Variants in FHL5 observed in about 807,000 individuals in gnomAD.
FHL5 encodes the protein four and a half LIM domains protein 5.
A neutral mutation model predicts 32.0 loss-of-function variants in FHL5; 33 were observed. The ratio of observed to expected loss-of-function variants is 1.03; its 90% CI spans 0.78 to 1.38. The LOEUF is 1.38. FHL5 is among the 40% of genes most tolerant of loss of function. The pLI, the probability that FHL5 is intolerant of heterozygous loss-of-function variation, is 0.00. For missense variants in FHL5, 336 were observed against 343.9 expected (o/e 0.98, Z 0.18); for synonymous variants, 114 against 113.6 (o/e 1.00, Z -0.02).
intron 5 of FHL5, among the ~76,000 whole-genome samples, chr6:96,615,232 A>G (rs1325053167): frequency 6.6e-6 from 1 of 152,214 alleles, no homozygotes; most frequent in African/African-American, 2.4e-5. Context: ...AAAAGGGGAA[A>G]TGTATTCATA....
intron 4 of FHL5, among the ~76,000 whole-genome samples, 171 bp downstream of exon 4, chr6:96,606,242 AT>A (rs1229697036): frequency 6.6e-6 from 1 of 151,060 alleles, no homozygotes; most frequent in Admixed American, 6.6e-5. Context: ...GAGCATGACC[AT>A]CTTTTTTTTT....
intron 1 of FHL5, among the ~76,000 whole-genome samples, chr6:96,583,218 GA>G (rs1172375662): frequency 1.3e-5 from 2 of 152,088 alleles, no homozygotes; most frequent in East Asian, 3.9e-4. Context: ...GAACCAAGTG[GA>G]AAAAAAGAAA....
chr6:96,604,598 T>C, intron 2 of FHL5, 152 bp from the exon 3 acceptor site: 1 of 497,350 alleles, frequency 2.0e-6, no homozygotes, highest in Non-Finnish European at 3.4e-6. Flanking sequence ...GAGAGTCTCC[T>C]CTCTATGGGT....
chr6:96,610,650 G>C lies in FHL5; in HGVS notation c.583G>C (p.Asp195His). The change falls in exon 5 of 6, where the codon GAT becomes CAT. Residue 195 changes from aspartate (D) to histidine (H), a missense_variant. By Grantham distance (81) the Asp-to-His change is moderately conservative. Transcript: ENST00000450218. ...TTTTCTGTGTAGTGGCTGTAGGAAA[G>C]ATCTCTGTGAAGAACAGTTCATGTC... is the stretch of plus-strand genomic sequence containing the variant. ...ECFLCSGCRK[D>H]LCEEQFMSRD... 3 of 1,613,572 alleles carry C rather than the reference G, an allele frequency of 1.9e-6. No homozygotes were observed. In the South Asian group the frequency reaches 3.3e-5, roughly 18 times the overall value.
chr6:96,599,052 A>G (rs979025449), intron 1 of FHL5, among the ~76,000 whole-genome samples: 5 of 140,976 alleles, frequency 3.5e-5, no homozygotes, highest in Non-Finnish European at 7.9e-5. Context: ...AAATGTTAAG[A>G]ATGTTAAGTG....
chr6:96,605,381 T>C (rs1210334695), intron 3 of FHL5, among the ~76,000 whole-genome samples: 2 of 152,208 alleles, frequency 1.3e-5, no homozygotes, highest in East Asian at 3.8e-4. Context: ...ATTCCACTTT[T>C]GGCAAGGACT....
At position 96,603,805 on chromosome 6, in the gene FHL5, C is replaced by T. The variant is rs562058507; in HGVS notation, c.159+33C>T. ...TCACCTCAATTTACAGAATTACTGC[C>T]TATGAACAGCAAACAAGTGGGTTGG... On this transcript the variant is annotated intron_variant, in intron 2 of 5. Coordinates refer to ENST00000450218, the MANE Select transcript of FHL5 (RefSeq NM_001322466.2). 4.5e-6 allele frequency: 7 copies of T among 1,566,500 alleles called. No homozygotes were observed. The African/African-American group carries it at 9.5e-5, about 21-fold the overall frequency.
chr6:96,573,819 C>G (rs915175525), intron 1 of FHL5, among the ~76,000 whole-genome samples: 1 of 151,786 alleles, frequency 6.6e-6, no homozygotes, highest in Non-Finnish European at 1.5e-5. Flanking sequence ...CCGCGTCTGG[C>G]CCAAAATATT....
intron 5 of FHL5, among the ~76,000 whole-genome samples, chr6:96,611,734 C>G (rs1304717673): frequency 6.6e-6 from 1 of 152,042 alleles, no homozygotes; most frequent in African/African-American, 2.4e-5. Context: ...ACTTTCCAAC[C>G]AAAAGAAAAA....
rs534948694 is a variant in FHL5, at chr6:96,605,929, A to G, written c.362A>G (p.Asn121Ser). 3.1e-6 allele frequency: 5 copies of G among 1,614,064 alleles called. No individual in the cohort carries two copies. Among genetic ancestry groups the G allele is most frequent in the African/African-American group, 2.7e-5 (2 of 75,046 alleles). Residue 121 changes from asparagine to serine, a missense_variant, in exon 4 of 6, where the codon AAC (asparagine) becomes AGC (serine). By Grantham distance (46) the Asn-to-Ser change is conservative. Transcript: ENST00000450218. ...PGSRKMEFKG[N>S]YWHETCFVCE... ...TCCCGCAAAATGGAATTTAAGGGAAACTACTGGCATGAAACCTGTTTTGTG... is the reference window on the plus strand; with the variant it reads ...TCCCGCAAAATGGAATTTAAGGGAAGCTACTGGCATGAAACCTGTTTTGTG...
intron 1 of FHL5, among the ~76,000 whole-genome samples, chr6:96,602,783 T>G (rs1295830829): frequency 6.6e-6 from 1 of 152,226 alleles, no homozygotes; most frequent in East Asian, 1.9e-4. Flanking sequence ...CTATACATGT[T>G]ACTTTGGCCC....
chr6:96,568,915 A>C (rs997401509), intron 1 of FHL5, among the ~76,000 whole-genome samples: 10 of 151,700 alleles, frequency 6.6e-5, no homozygotes, highest in Non-Finnish European at 1.3e-4. Flanking sequence ...TCAGCTTTCC[A>C]TTTTGTTGAT....
At chr6:96,594,504 T>C (rs543543993) in intron 1 of FHL5, among the ~76,000 whole-genome samples, 17 of 151,814 alleles carry the variant, frequency 1.1e-4, no homozygotes, top group African/African-American at 3.9e-4. Flanking sequence ...GTTCAAATAG[T>C]ATTAAAGAAA....
In FHL5 at chr6:96,610,768, T is replaced by C. The variant is rs1771389955; in HGVS notation, c.691+10T>C. 1 of 1,594,804 alleles carries C rather than the reference T, an allele frequency of 6.3e-7. No individual in the cohort carries two copies. Among genetic ancestry groups the C allele is most frequent in the Non-Finnish European group, 8.6e-7 (1 of 1,164,696 alleles). On this transcript the variant is annotated intron_variant, in intron 5 of 5. Transcript: ENST00000450218. ...TCCAAACCCATTAGTGGTGAGTTCT[T>C]CAGTTCAATATGATCATGCCATGAG...
At chr6:96,580,956 A>G (rs1403649199) in intron 1 of FHL5, among the ~76,000 whole-genome samples, 4 of 152,180 alleles carry the variant, frequency 2.6e-5, no homozygotes, top group African/African-American at 9.7e-5. Flanking sequence ...AATACTATCC[A>G]TGTACTACTA....
chr6:96,570,799 T>C (rs560633850), intron 1 of FHL5, among the ~76,000 whole-genome samples: 2 of 152,196 alleles, frequency 1.3e-5, no homozygotes, highest in South Asian at 2.1e-4. Flanking sequence ...TATTGTATTT[T>C]ATATTTTATT....
intron 1 of FHL5, among the ~76,000 whole-genome samples, chr6:96,595,464 A>T (rs1170078263): frequency 6.6e-6 from 1 of 151,548 alleles, no homozygotes; most frequent in African/African-American, 2.4e-5. Flanking sequence ...TACTTTCTGC[A>T]TCTGTATATT....
chr6:96,578,431 A>G (rs766235478), intron 1 of FHL5, among the ~76,000 whole-genome samples: 4 of 152,224 alleles, frequency 2.6e-5, no homozygotes, highest in Non-Finnish European at 5.9e-5. Flanking sequence ...TCTTTAAATG[A>G]GTCACTAAAC....
At chr6:96,568,058 T>C (rs1770398526) in intron 1 of FHL5, among the ~76,000 whole-genome samples, 1 of 151,748 alleles carries the variant, frequency 6.6e-6, no homozygotes, top group Non-Finnish European at 1.5e-5. Flanking sequence ...CTTCCAAATC[T>C]TAGAAGAAAA....
Sources: allele counts gnomAD v4.1 joint callset (sites outside exome capture counted in the v4.1 genomes callset), GRCh38; gene constraint gnomAD v4.1.1; transcripts MANE v1.5; gene names NCBI Gene and HGNC (gene_info 2026-07-23, HGNC 2026-07-21).